Variants in CARMIL1 observed in about 807,000 individuals in gnomAD.
CARMIL1 encodes the protein capping protein regulator and myosin 1 linker 1.
CARMIL1 carries 90 observed loss-of-function variants against 177.1 expected under a neutral mutation model. The ratio of observed to expected loss-of-function variants is 0.51; its 90% CI spans 0.43 to 0.61. The LOEUF is 0.61. Among genes scored for constraint, CARMIL1 ranks in the 20% least tolerant of loss-of-function variants. CARMIL1 has a pLI of 0.00. For synonymous variants in CARMIL1, 577 were observed against 606.2 expected, an observed-to-expected ratio of 0.95 and a Z score of 0.71; for missense variants, 1,380 against 1,667.0, an observed-to-expected ratio of 0.83 and a Z score of 3.00.
At chr6:25,553,817 T>C (rs539645754) in intron 27 of CARMIL1, among the ~76,000 whole-genome samples, 192 bp from the exon 28 acceptor site, 1 of 152,356 alleles carries the variant, frequency 6.6e-6, no homozygotes, top group East Asian at 1.9e-4. Context: ...GAAAGTCTAT[T>C]ACTTGTGTGT....
intron 2 of CARMIL1, among the ~76,000 whole-genome samples, chr6:25,354,478 C>T (rs753774771): frequency 2.0e-5 from 3 of 151,724 alleles, no homozygotes; most frequent in Non-Finnish European, 4.4e-5. Flanking sequence ...CGTACTTGCC[C>T]TGCTGTGGCT....
intron 31 of CARMIL1, among the ~76,000 whole-genome samples, chr6:25,589,361 G>A (rs1471169191): frequency 6.6e-6 from 1 of 152,056 alleles, no homozygotes; most frequent in Middle Eastern, 3.2e-3. Context: ...CAGCTCTTTC[G>A]ATGTACTTCA....
At chr6:25,426,429 T>TTA in intron 3 of CARMIL1, 72 bp from the exon 4 acceptor site, 1 of 1,006,690 alleles carries the variant, frequency 9.9e-7, no homozygotes, top group South Asian at 1.7e-5. Context: ...TTTTTTTTTT[T>TTA]ACCTTAAGTT....
At chr6:25,313,683 G>GCATATATATATGTGTGTA in intron 2 of CARMIL1, among the ~76,000 whole-genome samples, 1 of 133,774 alleles carries the variant, frequency 7.5e-6, no homozygotes, top group African/African-American at 3.3e-5. Context: ...AGGGAAGGCT[G>GCATATATATATGTGTGTA]TATATATACA....
At chr6:25,310,860 T>C (rs6456665) in intron 2 of CARMIL1, among the ~76,000 whole-genome samples, 1 of 151,808 alleles carries the variant, frequency 6.6e-6, no homozygotes, top group Non-Finnish European at 1.5e-5. Context: ...TGTGATTTTG[T>C]TTTTTTTGTG....
intron 2 of CARMIL1, among the ~76,000 whole-genome samples, chr6:25,400,590 G>C (rs1295409970): frequency 6.6e-6 from 1 of 152,158 alleles, no homozygotes; most frequent in Non-Finnish European, 1.5e-5. Context: ...TTAAGACTGG[G>C]AATTTTTTGA....
intron 32 of CARMIL1, among the ~76,000 whole-genome samples, chr6:25,598,115 C>A (rs1447986062): frequency 1.3e-5 from 2 of 151,986 alleles, no homozygotes; most frequent in Non-Finnish European, 2.9e-5. Flanking sequence ...TTTTAAAAAA[C>A]CAATTTGCTT....
intron 31 of CARMIL1, among the ~76,000 whole-genome samples, chr6:25,582,021 G>A (rs1813163265): frequency 6.6e-6 from 1 of 152,100 alleles, no homozygotes; most frequent in Non-Finnish European, 1.5e-5. Context: ...GTGTCTCTCT[G>A]GTTAATGCCT....
chr6:25,610,040 G>A lies in CARMIL1; in HGVS notation c.3848-10G>A. The A allele has an allele frequency of 6.2e-7, 1 of 1,610,716 alleles. No homozygotes were observed. Reference sequence around the variant, plus strand: ...GGAACAGTTTGATTCACGTGTTTGTGTCTCCTTAGATGACATTCCAGACTC... The same window carrying A: ...GGAACAGTTTGATTCACGTGTTTGTATCTCCTTAGATGACATTCCAGACTC... On this transcript the variant is annotated splice_polypyrimidine_tract_variant and intron_variant, in intron 35 of 36. Coordinates refer to ENST00000329474, the MANE Select transcript of CARMIL1 (RefSeq NM_017640.6).
chr6:25,539,911 C>A, intron 25 of CARMIL1, 36 bp from the exon 26 acceptor site: 1 of 1,463,026 alleles, frequency 6.8e-7, no homozygotes, highest in Non-Finnish European at 9.1e-7. Flanking sequence ...AATATTTACC[C>A]AATTCTAAAG....
chr6:25,590,840 A>G (rs1814225275), intron 31 of CARMIL1, among the ~76,000 whole-genome samples: 1 of 151,870 alleles, frequency 6.6e-6, no homozygotes, highest in South Asian at 2.1e-4. Flanking sequence ...CCCCTTTTCC[A>G]TTTTAACATA....
rs1452872015 is a variant in CARMIL1, at chr6:25,577,610, T to TA, written c.2743-3314_2743-3313insA. The stretch of plus-strand genomic sequence containing the variant: ...CTTAAGCAACTTGACTCTCATTTTT[T>TA]TAAAAAAAAAGTATGTCTAGGAATT... On this transcript the variant is annotated intron_variant, in intron 29 of 36. Coordinates refer to ENST00000329474, the MANE Select transcript of CARMIL1 (RefSeq NM_017640.6). This position sits in a 1 kb window ranked among gnomAD's most constrained non-coding sequence, Gnocchi z 4.5. Among the ~76,000 whole-genome samples the TA allele has an allele frequency of 8.9e-4, 135 of 152,096 alleles. No homozygotes were observed. The highest frequency in any genetic ancestry group is 3.4e-3 in the Middle Eastern group (1 of 294).
intron 2 of CARMIL1, among the ~76,000 whole-genome samples, chr6:25,413,019 G>T (rs1178538811): frequency 6.6e-6 from 1 of 152,180 alleles, no homozygotes; most frequent in East Asian, 1.9e-4. Flanking sequence ...GTGTTAGGAG[G>T]CTCAGAGCCA....
intron 2 of CARMIL1, among the ~76,000 whole-genome samples, chr6:25,419,542 C>CA (rs532136216): frequency 2.6e-5 from 4 of 152,048 alleles, no homozygotes; most frequent in Non-Finnish European, 5.9e-5. Flanking sequence ...AGCTGAGTAT[C>CA]AAAAAGGAAA....
In CARMIL1 at chr6:25,617,961, C is replaced by A. The variant is rs530092617; in HGVS notation, c.3980-1486C>A. Among the ~76,000 whole-genome samples the A allele has an allele frequency of 2.6e-5, 4 of 152,252 alleles. No homozygotes were observed. In the South Asian group the frequency reaches 6.2e-4, roughly 24 times the overall value. On this transcript the variant is annotated intron_variant, in intron 36 of 36. Coordinates refer to ENST00000329474, the MANE Select transcript of CARMIL1 (RefSeq NM_017640.6). ...ATATTTGTTTGTTGCTTTCTTCCCC[C>A]AGTTTGAGAATTTGCCTGAATCTGT...
intron 31 of CARMIL1, among the ~76,000 whole-genome samples, chr6:25,584,123 G>T (rs1235104497): frequency 6.7e-6 from 1 of 150,316 alleles, no homozygotes; most frequent in African/African-American, 2.5e-5. Flanking sequence ...GAACTCTTGG[G>T]CTCAAGCAAT....
chr6:25,588,948 G>A (rs1197973808), intron 31 of CARMIL1, among the ~76,000 whole-genome samples: 1 of 152,184 alleles, frequency 6.6e-6, no homozygotes, highest in Non-Finnish European at 1.5e-5. Flanking sequence ...TATATTCTCG[G>A]CATAGGGCAT....
chr6:25,332,962 T>A (rs552647664), intron 2 of CARMIL1, among the ~76,000 whole-genome samples: 4 of 152,134 alleles, frequency 2.6e-5, no homozygotes. Context: ...GAGTCCTTCA[T>A]TGGGGTCTAG....
chr6:25,374,735 C>T (rs1790807145), intron 2 of CARMIL1, among the ~76,000 whole-genome samples: 1 of 152,104 alleles, frequency 6.6e-6, no homozygotes, highest in African/African-American at 2.4e-5. Flanking sequence ...ATTGTAATAT[C>T]ATCTTGTTCG....
Sources: allele counts gnomAD v4.1 joint callset (sites outside exome capture counted in the v4.1 genomes callset), GRCh38; gene constraint gnomAD v4.1.1; non-coding constraint Gnocchi (gnomAD v3.1); transcripts MANE v1.5; gene names NCBI Gene and HGNC (gene_info 2026-07-23, HGNC 2026-07-21).